The following LHFPL6 variants were observed in gnomAD, a reference collection of about 807,000 sequenced individuals.
LHFPL6 encodes the protein LHFPL tetraspan subfamily member 6, also known as LHFPL tetraspan subfamily member 6 protein.
LHFPL6 carries 9 observed loss-of-function variants against 20.6 expected under a neutral mutation model. The observed-to-expected ratio is 0.44, with a 90% CI of 0.26 to 0.76. The LOEUF (loss-of-function observed/expected upper bound fraction) is 0.76, where lower values mean the gene tolerates loss of function less well. LHFPL6 is among the 30% of genes least tolerant of loss of function. The pLI is 0.20. For synonymous variants in LHFPL6, 105 were observed against 98.7 expected, an observed-to-expected ratio of 1.06 and a Z score of -0.38; for missense variants, 218 against 253.5, an observed-to-expected ratio of 0.86 and a Z score of 0.95.
intron 2 of LHFPL6, among the ~76,000 whole-genome samples, chr13:39,486,169 T>C (rs963954071): frequency 6.6e-6 from 1 of 152,188 alleles, no homozygotes; most frequent in African/African-American, 2.4e-5. Context: ...ACTGTAAGCA[T>C]CCACTGGAGA....
rs372336913 is a variant in LHFPL6, at chr13:39,379,064, G to A, written c.386-538C>T. Reference sequence around the variant, plus strand: ...GGTACTGCCCATTATTAGGCGATGTGGAGAATCACTGAGCATCCACGCATC... The same window carrying A: ...GGTACTGCCCATTATTAGGCGATGTAGAGAATCACTGAGCATCCACGCATC... On this transcript the variant is annotated intron_variant, in intron 2 of 3. Coordinates refer to ENST00000379589, the MANE Select transcript of LHFPL6 (RefSeq NM_005780.3). 4.0e-5 allele frequency among the ~76,000 whole-genome samples: 6 copies of A among 150,486 alleles called. No individual in the cohort carries two copies. The East Asian group carries it at 1.0e-3, about 25-fold the overall frequency.
rs373209482 is a variant in LHFPL6, at chr13:39,433,353, T to C, written c.386-54827A>G. ...AGTACTGGAAGTGACTGGCATTTTTTGGGGATCAAGAGCTTTATAACTTAT... is the reference window on the plus strand; with the variant it reads ...AGTACTGGAAGTGACTGGCATTTTTCGGGGATCAAGAGCTTTATAACTTAT... On this transcript the variant is annotated intron_variant, in intron 2 of 3. Transcript: ENST00000379589. Among the ~76,000 whole-genome samples the C allele has an allele frequency of 1.2e-3, 189 of 152,318 alleles. 6 individuals carry two copies. In the South Asian group the frequency reaches 0.038, roughly 30 times the overall value.
intron 2 of LHFPL6, among the ~76,000 whole-genome samples, chr13:39,543,693 T>C (rs946804313): frequency 6.6e-6 from 1 of 152,118 alleles, no homozygotes; most frequent in Non-Finnish European, 1.5e-5. Flanking sequence ...TAGTGCTGGA[T>C]TGGGAGTCAA....
chr13:39,534,684 G>C (rs1482135562), intron 2 of LHFPL6, among the ~76,000 whole-genome samples: 1 of 152,210 alleles, frequency 6.6e-6, no homozygotes, highest in Non-Finnish European at 1.5e-5. Context: ...GCTAAGAGTG[G>C]TGGAGACCTG....
Position 39,410,801 on chromosome 13 carries a change from C to T in LHFPL6, c.386-32275G>A, listed in dbSNP as rs1261624619. On this transcript the variant is annotated intron_variant, in intron 2 of 3. Coordinates refer to ENST00000379589, the MANE Select transcript of LHFPL6 (RefSeq NM_005780.3). ...AAGTCAAGTCTTTGAAGAATGTTAA[C>T]ATTTCACTACTTCCTTTTCCGAAGG... Among the ~76,000 whole-genome samples the T allele has an allele frequency of 2.0e-5, 3 of 152,162 alleles. No homozygotes were observed. In the East Asian group the frequency reaches 5.8e-4, roughly 29 times the overall value.
intron 2 of LHFPL6, among the ~76,000 whole-genome samples, chr13:39,469,527 C>T (rs1374666070): frequency 6.6e-6 from 1 of 152,152 alleles, no homozygotes; most frequent in African/African-American, 2.4e-5. Context: ...CCAAATCCTC[C>T]CTATGACAGC....
intron 2 of LHFPL6, among the ~76,000 whole-genome samples, chr13:39,418,911 G>A (rs1871413310): frequency 6.6e-6 from 1 of 152,124 alleles, no homozygotes; most frequent in Non-Finnish European, 1.5e-5. Flanking sequence ...GTGGGAAATG[G>A]GTGTAATGTT....
At chr13:39,541,014 A>G (rs1870779347) in intron 2 of LHFPL6, among the ~76,000 whole-genome samples, 1 of 152,232 alleles carries the variant, frequency 6.6e-6, no homozygotes, top group South Asian at 2.1e-4. Flanking sequence ...AAACAATTAT[A>G]CTAGACATAT....
intron 2 of LHFPL6, among the ~76,000 whole-genome samples, chr13:39,408,112 A>C (rs56328855): frequency 0.071 from 10,883 of 152,290 alleles, 462 homozygotes; most frequent in Non-Finnish European, 0.1. Flanking sequence ...AGTGGAAATA[A>C]AATAAGTAAA....
chr13:39,531,224 C>T (rs1870456225), intron 2 of LHFPL6, among the ~76,000 whole-genome samples: 1 of 152,182 alleles, frequency 6.6e-6, no homozygotes, highest in South Asian at 2.1e-4. Context: ...AGACCATACC[C>T]TAGTGACATG....
chr13:39,445,469 A>T (rs1006804461), intron 2 of LHFPL6, among the ~76,000 whole-genome samples: 1 of 152,200 alleles, frequency 6.6e-6, no homozygotes, highest in African/African-American at 2.4e-5. Flanking sequence ...CCTAAATTGG[A>T]CCTGACCCAA....
intron 2 of LHFPL6, among the ~76,000 whole-genome samples, chr13:39,394,427 T>C (rs972455770): frequency 1.3e-5 from 2 of 152,170 alleles, no homozygotes; most frequent in Admixed American, 1.3e-4. Context: ...TAACAGAGGT[T>C]TGTGGTTGAA....
At chr13:39,497,684 G>A (rs922572627) in intron 2 of LHFPL6, among the ~76,000 whole-genome samples, 1 of 152,100 alleles carries the variant, frequency 6.6e-6, no homozygotes, top group Admixed American at 6.5e-5. Flanking sequence ...TTTCTGCTTT[G>A]ATTACATATT....
intron 2 of LHFPL6, among the ~76,000 whole-genome samples, chr13:39,432,871 T>C (rs1429867745): frequency 6.6e-6 from 1 of 152,228 alleles, no homozygotes; most frequent in Non-Finnish European, 1.5e-5. Flanking sequence ...AATCAATCTA[T>C]CACTGAACTG....
rs543458723 is a variant in LHFPL6, at chr13:39,394,029, C to T, written c.386-15503G>A. Among the ~76,000 whole-genome samples, 543 of 152,290 alleles carry T rather than the reference C, an allele frequency of 3.6e-3. 4 individuals carry two copies. Among genetic ancestry groups the T allele is most frequent in the African/African-American group, 0.012 (519 of 41,562 alleles). On this transcript the variant is annotated intron_variant, in intron 2 of 3. Coordinates refer to ENST00000379589, the MANE Select transcript of LHFPL6 (RefSeq NM_005780.3). ...GATCCTAGCTCACTGCAGCCTTGAA[C>T]TACTTGGGCTAAAGCAATCCTCTGG... is the stretch of plus-strand genomic sequence containing the variant.
chr13:39,433,462 T>C (rs1373920107), intron 2 of LHFPL6, among the ~76,000 whole-genome samples: 1 of 152,188 alleles, frequency 6.6e-6, no homozygotes, highest in Non-Finnish European at 1.5e-5. Flanking sequence ...CCTTTGATGA[T>C]CCATCATGTT....
intron 2 of LHFPL6, among the ~76,000 whole-genome samples, chr13:39,382,183 T>A (rs927474896): frequency 2.0e-5 from 3 of 152,222 alleles, no homozygotes; most frequent in African/African-American, 7.2e-5. Context: ...TACTCCGGAA[T>A]GTCTCCTATA....
At chr13:39,461,593 T>C (rs972755668) in intron 2 of LHFPL6, among the ~76,000 whole-genome samples, 6 of 152,042 alleles carry the variant, frequency 3.9e-5, no homozygotes, top group African/African-American at 1.4e-4. Flanking sequence ...AGCAAGTTTC[T>C]CCTGACAGCT....
chr13:39,594,759 C>A (rs1419863961), intron 2 of LHFPL6, among the ~76,000 whole-genome samples: 3 of 152,168 alleles, frequency 2.0e-5, no homozygotes, highest in Non-Finnish European at 4.4e-5. Flanking sequence ...AAATGTGGCA[C>A]ATATACACCA....
Sources: allele counts gnomAD v4.1 joint callset (sites outside exome capture counted in the v4.1 genomes callset), GRCh38; gene constraint gnomAD v4.1.1; transcripts MANE v1.5; gene names NCBI Gene and HGNC (gene_info 2026-07-23, HGNC 2026-07-21).